Variants in SLC4A10 observed in about 807,000 individuals in gnomAD.
SLC4A10 encodes sodium-driven chloride bicarbonate exchanger.
Under a neutral mutation model 137.7 loss-of-function variants are expected in SLC4A10, and 42 were observed. The ratio of observed to expected loss-of-function variants is 0.30; its 90% confidence interval spans 0.24 to 0.39. The LOEUF (loss-of-function observed/expected upper bound fraction) is 0.39, where lower values mean the gene tolerates loss of function less well. Ranked by LOEUF, SLC4A10 falls within the 10% of genes least tolerant of loss-of-function variation. The pLI, the probability that SLC4A10 is intolerant of heterozygous loss-of-function variation, is 1.00. For synonymous variants in SLC4A10, 474 were observed against 464.1 expected (o/e 1.02, Z -0.27); for missense variants, 925 against 1,355.0 (o/e 0.68, Z 4.98).
At chr2:161,786,179 C>T (rs189034435) in intron 2 of SLC4A10, among the ~76,000 whole-genome samples, 22 of 151,278 alleles carry the variant, frequency 1.5e-4, no homozygotes, top group African/African-American at 4.4e-4. Context: ...TAATGTTATT[C>T]TTTGTCTTTT....
At chr2:161,773,998 C>T (rs949045063) in intron 2 of SLC4A10, among the ~76,000 whole-genome samples, 1 of 151,742 alleles carries the variant, frequency 6.6e-6, no homozygotes, top group African/African-American at 2.4e-5. Context: ...GCTCTACTTC[C>T]CTCTCTCTCC....
At chr2:161,902,016 A>G (rs1447316587) in intron 12 of SLC4A10, 4 of 456,252 alleles carry the variant, frequency 8.8e-6, no homozygotes, top group Non-Finnish European at 8.8e-6. Context: ...ACTGCTTCCT[A>G]AATCCTCCCA....
At chr2:161,668,207 T>C (rs938290194) in intron 1 of SLC4A10, among the ~76,000 whole-genome samples, 3 of 151,692 alleles carry the variant, frequency 2.0e-5, no homozygotes, top group Non-Finnish European at 4.4e-5. Flanking sequence ...ATACCCAGAA[T>C]TTTGCAGTTA....
intron 1 of SLC4A10, among the ~76,000 whole-genome samples, chr2:161,742,033 A>G (rs1262280160): frequency 6.6e-6 from 1 of 152,164 alleles, no homozygotes; most frequent in East Asian, 1.9e-4. Flanking sequence ...CATGAGTTCA[A>G]TGATTTTAAT....
chr2:161,860,280 A>G (rs1243931336), intron 5 of SLC4A10, among the ~76,000 whole-genome samples: 1 of 152,176 alleles, frequency 6.6e-6, no homozygotes, highest in Non-Finnish European at 1.5e-5. Context: ...TCAAATAAAA[A>G]TCTTATCTTT....
chr2:161,662,150 G>C (rs568168280), intron 1 of SLC4A10, among the ~76,000 whole-genome samples: 1 of 152,020 alleles, frequency 6.6e-6, no homozygotes, highest in African/African-American at 2.4e-5. Context: ...CTAAGAGATC[G>C]TCTAGGCTCT....
intron 1 of SLC4A10, among the ~76,000 whole-genome samples, chr2:161,675,587 C>A (rs1037842200): frequency 2.0e-5 from 3 of 151,964 alleles, no homozygotes; most frequent in Non-Finnish European, 4.4e-5. Context: ...AGCTCTTGAC[C>A]TCTTTGGGTT....
chr2:161,729,138 G>A (rs577818580), intron 1 of SLC4A10, among the ~76,000 whole-genome samples: 1 of 152,256 alleles, frequency 6.6e-6, no homozygotes, highest in Admixed American at 6.5e-5. Flanking sequence ...TGAGGAATAA[G>A]GCAAAGATGT....
intron 1 of SLC4A10, among the ~76,000 whole-genome samples, chr2:161,747,711 A>G (rs1031069285): frequency 2.6e-5 from 4 of 151,960 alleles, no homozygotes; most frequent in African/African-American, 9.7e-5. Context: ...CAAAACACTT[A>G]AGTTGTTTCC....
intron 1 of SLC4A10, among the ~76,000 whole-genome samples, chr2:161,692,149 G>T (rs1430011841): frequency 6.6e-6 from 1 of 151,986 alleles, no homozygotes; most frequent in Admixed American, 6.6e-5. Flanking sequence ...CTGTGGAAAG[G>T]ACACCCCAGA....
At chr2:161,892,124 C>T in intron 10 of SLC4A10, among the ~76,000 whole-genome samples, 1 of 152,016 alleles carries the variant, frequency 6.6e-6, no homozygotes, top group African/African-American at 2.4e-5. Context: ...GCATCTATAC[C>T]TTTAGGGAGC....
intron 3 of SLC4A10, among the ~76,000 whole-genome samples, chr2:161,834,660 T>TACACACAC (rs72327926): frequency 0.013 from 1,883 of 140,974 alleles, 46 homozygotes; most frequent in African/African-American, 0.044. Context: ...CTTTATCGCC[T>TACACACAC]ACACACACAC....
intron 9 of SLC4A10, among the ~76,000 whole-genome samples, chr2:161,881,426 G>A (rs933060284): frequency 2.0e-5 from 3 of 151,830 alleles, no homozygotes; most frequent in Non-Finnish European, 4.4e-5. Context: ...AAAAAATATT[G>A]TCATATCCTC....
chr2:161,836,514 AAGAAAGAGAGAGAGAGAG>A (rs1160933621), intron 3 of SLC4A10, among the ~76,000 whole-genome samples: 1,725 of 135,608 alleles, frequency 0.013, 87 homozygotes, highest in African/African-American at 0.045. Context: ...AAAAGAAAGA[AAGAAAGAGAGAGAGAGAG>A]AAAGAAAGAA....
At chr2:161,662,600 T>G (rs1221773464) in intron 1 of SLC4A10, among the ~76,000 whole-genome samples, 2 of 152,216 alleles carry the variant, frequency 1.3e-5, no homozygotes, top group Non-Finnish European at 2.9e-5. Context: ...CTGTATGATT[T>G]GCTAGCCATG....
intron 1 of SLC4A10, among the ~76,000 whole-genome samples, chr2:161,739,436 A>G (rs754947472): frequency 6.6e-6 from 1 of 152,120 alleles, no homozygotes; most frequent in Non-Finnish European, 1.5e-5. Context: ...CTTGCCTACT[A>G]TGGGACATTA....
chr2:161,705,823 C>G (rs1431461909), intron 1 of SLC4A10, among the ~76,000 whole-genome samples: 2 of 151,480 alleles, frequency 1.3e-5, no homozygotes, highest in Non-Finnish European at 3.0e-5. Context: ...TTTTGGCTCT[C>G]TCTTCATTCA....
chr2:161,760,529 G>A (rs1180325678), intron 1 of SLC4A10, among the ~76,000 whole-genome samples: 1 of 151,954 alleles, frequency 6.6e-6, no homozygotes, highest in Non-Finnish European at 1.5e-5. Context: ...AATCTGTCTT[G>A]CTCTGGGTCC....
chr2:161,710,847 G>A, intron 1 of SLC4A10: 1 of 288,204 alleles, frequency 3.5e-6, no homozygotes, highest in South Asian at 3.2e-5. Flanking sequence ...TTGGTGTTAT[G>A]AGGAATGCAG....
Sources: gnomAD v4.1 joint callset for allele counts (sites outside exome capture counted in the v4.1 genomes callset) on GRCh38, gnomAD v4.1.1 for gene constraint, MANE v1.5 for transcripts, NCBI Gene and HGNC (gene_info 2026-07-23, HGNC 2026-07-21) for gene names.